ZDHHC5: variants seen among roughly 807,000 people sequenced by gnomAD.
ZDHHC5 encodes zDHHC palmitoyltransferase 5, also known as palmitoyltransferase ZDHHC5.
ZDHHC5 carries 22 observed loss-of-function variants against 70.0 expected under a neutral mutation model. The ratio of observed to expected loss-of-function variants is 0.31; its 90% CI spans 0.22 to 0.45. ZDHHC5 has a LOEUF of 0.45. Ranked by LOEUF, ZDHHC5 falls within the 20% of genes least tolerant of loss-of-function variation. The pLI, the probability that ZDHHC5 is intolerant of heterozygous loss-of-function variation, is 1.00. For synonymous variants in ZDHHC5, 313 were observed against 347.8 expected, an observed-to-expected ratio of 0.90 and a Z score of 1.11; for missense variants, 746 against 926.9, an observed-to-expected ratio of 0.80 and a Z score of 2.53.
intron 7 of ZDHHC5, 53 bp from the exon 8 acceptor site, chr11:57,693,730 A>G: frequency 1.3e-6 from 2 of 1,488,340 alleles, no homozygotes; most frequent in South Asian, 1.3e-5. Context: ...TAAAATATAA[A>G]TGAATGAAAG....
Position 57,699,211 on chromosome 11 carries a change from G to A in ZDHHC5, c.1775G>A (p.Arg592Lys), listed in dbSNP as rs867573006. Reference sequence around the variant, plus strand: ...AGTTCCTCCTCAGATGATTCAAAGAGATCACCTTTGGGCAAGACTCCACTG... The same window carrying A: ...AGTTCCTCCTCAGATGATTCAAAGAAATCACCTTTGGGCAAGACTCCACTG... ...RTSSSSDDSK[R>K]SPLGKTPLGR... is the part of the protein sequence containing the mutation. The change falls in exon 11 of 12, where the codon AGA becomes AAA. Residue 592 changes from arginine (R) to lysine (K), a missense_variant. Coordinates refer to ENST00000287169, the MANE Select transcript of ZDHHC5 (RefSeq NM_015457.3). 1 of 1,614,248 alleles carries A rather than the reference G, an allele frequency of 6.2e-7. No individual in the cohort carries two copies. Among genetic ancestry groups the A allele is most frequent in the Non-Finnish European group, 8.5e-7 (1 of 1,180,054 alleles).
chr11:57,696,804 G>T lies in ZDHHC5; in HGVS notation c.1053G>T (p.Met351Ile). The T allele has an allele frequency of 6.2e-7, 1 of 1,614,072 alleles. No individual in the cohort carries two copies. Among genetic ancestry groups the T allele is most frequent in the Non-Finnish European group, 8.5e-7 (1 of 1,179,924 alleles). Residue 351 changes from methionine to isoleucine, a missense_variant, in exon 10 of 12, where the codon ATG (methionine) becomes ATT (isoleucine). Physicochemically the swap from Met to Ile is conservative, Grantham distance 10 (BLOSUM62 1). Around this residue, in one of 6 missense-constraint regions of ZDHHC5, gnomAD observed 179 missense variants for 178.4 expected, o/e 1.00. Transcript: ENST00000287169. ...LAKDSPPTPT[M>I]YKYRPGYSSS... ...AGGACAGCCCCCCGACACCTACCAT[G>T]TACAAGTATCGGCCGGGTTACAGTA...
At chr11:57,694,869 G>T (rs1946329686) in intron 8 of ZDHHC5, among the ~76,000 whole-genome samples, 1 of 152,276 alleles carries the variant, frequency 6.6e-6, no homozygotes. Flanking sequence ...CCAGCACTTA[G>T]CGAGGCTGAG....
At position 57,673,066 on chromosome 11, in the gene ZDHHC5, G is replaced by A; in HGVS notation, c.-25G>A. On this transcript the variant is annotated 5_prime_UTR_variant, in exon 2 of 12. Coordinates refer to ENST00000287169, the MANE Select transcript of ZDHHC5 (RefSeq NM_015457.3). ...GTGTGGGCCTGGGCTATGCGGCAGG[G>A]CAGATTTCCCATCAGAGCTCCAACA... 1 of 1,611,418 alleles carries A rather than the reference G, an allele frequency of 6.2e-7. No homozygotes were observed. Among genetic ancestry groups the A allele is most frequent in the South Asian group, 1.1e-5 (1 of 91,012 alleles).
At chr11:57,689,463 C>T (rs373343229) in intron 4 of ZDHHC5, among the ~76,000 whole-genome samples, 9 of 152,000 alleles carry the variant, frequency 5.9e-5, no homozygotes, top group South Asian at 4.1e-4. Flanking sequence ...CTGCATCCTC[C>T]GCCTCCCGGG....
At position 57,698,952 on chromosome 11, in the gene ZDHHC5, C is replaced by T. The variant is rs1292340207; in HGVS notation, c.1516C>T (p.Leu506=). 1 of 1,613,560 alleles carries T rather than the reference C, an allele frequency of 6.2e-7. No homozygotes were observed. Among genetic ancestry groups the T allele is most frequent in the East Asian group, 2.2e-5 (1 of 44,886 alleles). Residue 506 remains leucine (L), a synonymous_variant, in exon 11 of 12, where the codon CTG becomes TTG. Transcript: ENST00000287169. ...TACCTCTCCCTTCCTGTCAGCCAGG[C>T]TGGCCCAGCAACGGGAAGCTGAGAG... ...GYTSPFLSAR[L]AQQREAERHP...
intron 3 of ZDHHC5, among the ~76,000 whole-genome samples, chr11:57,687,812 C>G (rs1946229267): frequency 7.8e-6 from 1 of 127,910 alleles, no homozygotes; most frequent in Non-Finnish European, 1.5e-5. Flanking sequence ...GCTGTGTTGC[C>G]CAGGCTTGAG....
At chr11:57,681,013 T>C (rs969494048) in intron 2 of ZDHHC5, among the ~76,000 whole-genome samples, 2 of 152,238 alleles carry the variant, frequency 1.3e-5, no homozygotes, top group Non-Finnish European at 2.9e-5. Context: ...CTAATGGATA[T>C]TTACTATCTA....
chr11:57,673,856 G>A (rs1246046984), intron 2 of ZDHHC5, among the ~76,000 whole-genome samples: 1 of 152,232 alleles, frequency 6.6e-6, no homozygotes, highest in Non-Finnish European at 1.5e-5. Flanking sequence ...ACAGGTGTGA[G>A]CCACCATGCT....
At chr11:57,679,582 G>A (rs2135384426) in intron 2 of ZDHHC5, among the ~76,000 whole-genome samples, 1 of 152,288 alleles carries the variant, frequency 6.6e-6, no homozygotes, top group South Asian at 2.1e-4. Flanking sequence ...CCAGCCTTCT[G>A]GGCTGTGACC....
At chr11:57,673,700 A>G (rs1487347428) in intron 2 of ZDHHC5, among the ~76,000 whole-genome samples, 1 of 152,094 alleles carries the variant, frequency 6.6e-6, no homozygotes, top group Non-Finnish European at 1.5e-5. Context: ...GCTCCTTAGT[A>G]GCTAGGATTA....
At chr11:57,692,830 A>G in intron 7 of ZDHHC5, 128 bp downstream of exon 7, 1 of 866,402 alleles carries the variant, frequency 1.2e-6, no homozygotes, top group South Asian at 1.7e-5. Context: ...AATGTTAAGT[A>G]CCCACTCTAT....
chr11:57,689,092 A>G (rs1344461774), intron 4 of ZDHHC5, among the ~76,000 whole-genome samples: 1 of 152,042 alleles, frequency 6.6e-6, no homozygotes, highest in East Asian at 1.9e-4. Context: ...CTATTGGCTC[A>G]GTTTTGGTTA....
chr11:57,691,967 A>G (rs1169475842), intron 6 of ZDHHC5, among the ~76,000 whole-genome samples: 3 of 152,112 alleles, frequency 2.0e-5, no homozygotes, highest in Non-Finnish European at 4.4e-5. Context: ...TTGTGCATAT[A>G]ATAGTAGCTA....
chr11:57,700,099 T>G lies in ZDHHC5; in HGVS notation c.*68T>G. 6.7e-7 allele frequency: 1 copy of G among 1,499,510 alleles called. No individual in the cohort carries two copies. The highest frequency in any genetic ancestry group is 8.9e-7 in the Non-Finnish European group (1 of 1,124,682). 92.9% of individuals were successfully genotyped at this position (1,499,510 alleles called of 1,614,324 possible). On this transcript the variant is annotated 3_prime_UTR_variant, in exon 12 of 12. Transcript: ENST00000287169. ...AAAGGGCCCCAGGTGGCCACCTTCC[T>G]TCCCTCAAGGGGCTCCCCTCCCGTG...
chr11:57,691,749 G>A (rs1185111206), intron 6 of ZDHHC5, among the ~76,000 whole-genome samples: 1 of 151,206 alleles, frequency 6.6e-6, no homozygotes, highest in African/African-American at 2.4e-5. Context: ...CAAGACATAT[G>A]TATATGTACA....
Position 57,696,783 on chromosome 11 carries a change from C to T in ZDHHC5, c.1032C>T (p.Asp344=). ...TNEDSSLLAK[D]SPPTPTMYKY... ...CAGATAGTAGCTTATTGGCCAAGGA[C>T]AGCCCCCCGACACCTACCATGTACA... Residue 344 remains aspartate, a synonymous_variant, in exon 10 of 12, where the codon GAC becomes GAT. Coordinates refer to ENST00000287169, the MANE Select transcript of ZDHHC5 (RefSeq NM_015457.3). The T allele has an allele frequency of 6.2e-7, 1 of 1,613,954 alleles. No individual in the cohort carries two copies. The highest frequency in any genetic ancestry group is 8.5e-7 in the Non-Finnish European group (1 of 1,179,852).
intron 6 of ZDHHC5, 136 bp from the exon 7 acceptor site, chr11:57,692,475 A>T: frequency 1.5e-6 from 1 of 687,060 alleles, no homozygotes; most frequent in South Asian, 1.9e-5. Context: ...ACCATAACAT[A>T]TATAAATTTC....
Position 57,700,236 on chromosome 11 carries a change from C to G in ZDHHC5, c.*205C>G, listed in dbSNP as rs751150913. On this transcript the variant is annotated 3_prime_UTR_variant, in exon 12 of 12. Transcript: ENST00000287169. ...CCCTGAGACTGGGGTAGCAACCCCC[C>G]CTTTTATCTTTTAAGACCTTCCCTT... 68 of 527,744 alleles carry G rather than the reference C, an allele frequency of 1.3e-4. No individual in the cohort carries two copies. Among genetic ancestry groups the G allele is most frequent in the Non-Finnish European group, 1.8e-4 (58 of 321,864 alleles). The allele number at this position is 527,744 out of a possible 1,614,324, so 32.7% of individuals were successfully genotyped here.
Sources: gnomAD v4.1 joint callset for allele counts (sites outside exome capture counted in the v4.1 genomes callset) on GRCh38, gnomAD v4.1.1 for gene constraint, gnomAD v4.1.1 regional missense constraint, MANE v1.5 for transcripts, NCBI Gene and HGNC (gene_info 2026-07-23, HGNC 2026-07-21) for gene names.